The following MYO1H variants were observed in gnomAD, a reference collection of about 807,000 sequenced individuals.
The protein encoded by MYO1H is unconventional myosin-Ih.
In MYO1H, 118 loss-of-function variants were observed where a neutral mutation model predicts 149.3. The observed-to-expected ratio is 0.79, with a 90% CI of 0.68 to 0.92. MYO1H has a LOEUF of 0.92. Ranked by LOEUF, MYO1H falls within the 40% of genes least tolerant of loss-of-function variation. The pLI is 0.00. For missense variants in MYO1H, 1,212 were observed against 1,280.7 expected (o/e 0.95, Z 0.82); for synonymous variants, 447 against 465.2 (o/e 0.96, Z 0.50).
At chr12:109,385,006 A>T (rs1869273656) in intron 1 of MYO1H, among the ~76,000 whole-genome samples, 1 of 152,214 alleles carries the variant, frequency 6.6e-6, no homozygotes, top group African/African-American at 2.4e-5. Flanking sequence ...ATGATGACAA[A>T]AGCAAGCACT....
chr12:109,402,363 G>A (rs74489037), intron 6 of MYO1H, among the ~76,000 whole-genome samples: 5,860 of 152,174 alleles, frequency 0.039, 123 homozygotes, highest in Middle Eastern at 0.054. Flanking sequence ...GTAGATGAAG[G>A]CATCATTTAA....
the MYO1H span, among the ~76,000 whole-genome samples, chr12:109,312,109 G>A: frequency 2.6e-5 from 4 of 152,186 alleles, no homozygotes; most frequent in Admixed American, 6.5e-5. Flanking sequence ...TTCCTCACAT[G>A]CAATGTGTAG....
upstream of MYO1H, among the ~76,000 whole-genome samples, chr12:109,344,530 A>C (rs2048096421): frequency 6.6e-6 from 1 of 152,248 alleles, no homozygotes; most frequent in African/African-American, 2.4e-5. Context: ...AGATTGGAAG[A>C]CTTAATATCA....
chr12:109,401,641 G>A (rs189463065), intron 6 of MYO1H, among the ~76,000 whole-genome samples: 19 of 152,228 alleles, frequency 1.2e-4, no homozygotes, highest in East Asian at 3.9e-4. Flanking sequence ...GTGATTTAGC[G>A]TACAGCCAAA....
At chr12:109,434,290 G>A (rs892073610) in intron 20 of MYO1H, among the ~76,000 whole-genome samples, 16 of 152,140 alleles carry the variant, frequency 1.1e-4, no homozygotes, top group Admixed American at 3.3e-4. Flanking sequence ...GATTGCAGGC[G>A]TGAGCCACCG....
the MYO1H span, among the ~76,000 whole-genome samples, chr12:109,318,000 T>C: frequency 6.6e-6 from 1 of 152,236 alleles, no homozygotes. Context: ...TATGACATTA[T>C]GCAGCAAGAT....
Position 109,410,152 on chromosome 12 carries a change from A to AT in MYO1H, c.1329+91dup, listed in dbSNP as rs561232505. ...TTTTAATTTAATTAATTTTTTTTTTATTTTTTTGAGACAAGATCTCACTCT... is the reference window on the plus strand; with the variant it reads ...TTTTAATTTAATTAATTTTTTTTTTATTTTTTTTGAGACAAGATCTCACTCT... On this transcript the variant is annotated intron_variant, in intron 12 of 31. Transcript: ENST00000310903. 2.6e-5 allele frequency: 18 copies of AT among 679,250 alleles called. No homozygotes were observed. In the East Asian group the frequency reaches 3.2e-4, roughly 12 times the overall value. 42.1% of individuals were successfully genotyped at this position (679,250 alleles called of 1,614,324 possible). A position where few individuals can be genotyped will look rare whatever the true frequency, so the allele number is the denominator to read the frequency against.
chr12:109,358,324 A>G (rs1384011485), intron 1 of MYO1H, among the ~76,000 whole-genome samples: 1 of 152,084 alleles, frequency 6.6e-6, no homozygotes, highest in Non-Finnish European at 1.5e-5. Context: ...CCTTAGACAT[A>G]AGGCAACCAC....
At chr12:109,361,544 G>A (rs116427159) in intron 1 of MYO1H, among the ~76,000 whole-genome samples, 5,781 of 152,250 alleles carry the variant, frequency 0.038, 121 homozygotes, top group Middle Eastern at 0.058. Flanking sequence ...AGTGGCTCAC[G>A]CCTGTAATCC....
chr12:109,417,916 T>C (rs1275935709), intron 15 of MYO1H, among the ~76,000 whole-genome samples: 28 of 151,416 alleles, frequency 1.8e-4, no homozygotes, highest in East Asian at 1.2e-3. Flanking sequence ...CCCGGATTCA[T>C]GCCATTCTCC....
rs367738949 is a variant in MYO1H at position 109,444,427 on chromosome 12, C to T, written c.2896-5C>T. The T allele has an allele frequency of 2.8e-4, 451 of 1,612,462 alleles. No homozygotes were observed. The highest frequency in any genetic ancestry group is 3.5e-4 in the Non-Finnish European group (416 of 1,178,814). On this transcript the variant is annotated splice_region_variant and splice_polypyrimidine_tract_variant and intron_variant, in intron 29 of 31. Transcript: ENST00000310903. ...AAATTATGCCTTGTCTCCTCCCCAC[C>T]CCAGGGGGATGCCGTTTTGCAGTGT...
chr12:109,396,814 G>GTTTTTTTTTTTT lies in MYO1H; in HGVS notation c.489+251_489+262dup, dbSNP rs60551691. ...GACATTTGGTTTTTGTTTTGGTTTCGTTTTTTTTTTTTTTTTTTTTTTTTT... is the reference window on the plus strand; with the variant it reads ...GACATTTGGTTTTTGTTTTGGTTTCGTTTTTTTTTTTTTTTTTTTTTTTTTTTTTTTTTTTTT... On this transcript the variant is annotated intron_variant, in intron 4 of 31. Coordinates refer to ENST00000310903, the Ensembl canonical transcript of MYO1H. 1.4e-3 allele frequency among the ~76,000 whole-genome samples: 69 copies of GTTTTTTTTTTTT among 51,068 alleles called. 12 individuals are homozygous for GTTTTTTTTTTTT. Among genetic ancestry groups the GTTTTTTTTTTTT allele is most frequent in the East Asian group, 2.3e-3 (3 of 1,328 alleles). 33.5% of individuals were successfully genotyped at this position (51,068 alleles called of 152,430 possible).
intron 1 of MYO1H, chr12:109,354,360 TG>T (rs1326819793): frequency 1.3e-5 from 2 of 151,784 alleles, no homozygotes; most frequent in Non-Finnish European, 2.9e-5. Context: ...CCCAGCACTT[TG>T]GGAGGCTGAG....
chr12:109,402,061 A>G (rs1225904994), intron 6 of MYO1H, among the ~76,000 whole-genome samples: 4 of 152,138 alleles, frequency 2.6e-5, no homozygotes, highest in Non-Finnish European at 5.9e-5. Flanking sequence ...CTTTTCCCGC[A>G]TTCCTGCCTT....
At chr12:109,323,354 G>T in the MYO1H span, among the ~76,000 whole-genome samples, 1 of 152,214 alleles carries the variant, frequency 6.6e-6, no homozygotes, top group African/African-American at 2.4e-5. Context: ...GTCCGATGTT[G>T]AAATGAATTA....
chr12:109,434,927 A>T, intron 20 of MYO1H, 110 bp from the exon 21 acceptor site: 1 of 637,764 alleles, frequency 1.6e-6, no homozygotes, highest in Non-Finnish European at 2.8e-6. Flanking sequence ...TCCAAATAAG[A>T]TGGTATTCTG....
chr12:109,427,937 T>TATATATATATATATATATATATA (rs1871447802), intron 19 of MYO1H, among the ~76,000 whole-genome samples: 1 of 89,588 alleles, frequency 1.1e-5, no homozygotes, highest in Non-Finnish European at 2.2e-5. Flanking sequence ...TATATATATA[T>TATATATATATATATATATATATA]TAGATGGGTG....
chr12:109,367,815 G>A (rs1346828911), intron 1 of MYO1H, among the ~76,000 whole-genome samples: 2 of 152,084 alleles, frequency 1.3e-5, no homozygotes, highest in Admixed American at 6.5e-5. Flanking sequence ...GCCTCCCAAA[G>A]TGCTGGGATT....
At chr12:109,380,152 C>T (rs1869174001) in intron 1 of MYO1H, among the ~76,000 whole-genome samples, 2 of 152,096 alleles carry the variant, frequency 1.3e-5, no homozygotes. Context: ...GCCTCAGCCT[C>T]CCAAAGTGCT....
Sources: allele counts gnomAD v4.1 joint callset (sites outside exome capture counted in the v4.1 genomes callset), GRCh38; gene constraint gnomAD v4.1.1; transcripts MANE v1.5; gene names NCBI Gene and HGNC (gene_info 2026-07-23, HGNC 2026-07-21).